DHX36: variants seen among roughly 807,000 people sequenced by gnomAD.
DHX36 encodes DEAH-box helicase 36, also known as ATP-dependent DNA/RNA helicase DHX36.
In DHX36, 50 loss-of-function variants were observed where a neutral mutation model predicts 139.0. That is an observed-to-expected ratio of 0.36 (90% CI 0.29 to 0.46). The LOEUF (loss-of-function observed/expected upper bound fraction) is 0.46. DHX36 is among the 20% of genes least tolerant of loss of function. The probability of loss-of-function intolerance (pLI) is 1.00; values close to 1 mark genes in which losing one functional copy is unlikely to be tolerated. For missense variants in DHX36, 1,024 were observed against 1,211.3 expected, an observed-to-expected ratio of 0.85 and a Z score of 2.29; for synonymous variants, 425 against 401.9, an observed-to-expected ratio of 1.06 and a Z score of -0.69.
chr3:154,276,879 T>C lies in DHX36; in HGVS notation c.2709A>G (p.Thr903=). The change falls in exon 24 of 25, where the codon ACA becomes ACG. Residue 903 remains threonine, a synonymous_variant. Transcript: ENST00000496811. ...ACAAGAGACAGTATGGGGAAACCTC[T>C]GTGCAGTCATACAAGTATATCTGTA... The part of the protein sequence containing the change: ...RTSSIYLYDC[T]EVSPYCLLFF... The C allele has an allele frequency of 1.2e-6, 2 of 1,613,402 alleles. No homozygotes were observed. Among genetic ancestry groups the C allele is most frequent in the Non-Finnish European group, 8.5e-7 (1 of 1,179,760 alleles).
At position 154,311,708 on chromosome 3, in the gene DHX36, A is replaced by G. The variant is rs777022721; in HGVS notation, c.604-34T>C. The G allele has an allele frequency of 1.3e-5, 20 of 1,527,322 alleles. No individual in the cohort carries two copies. The African/African-American group carries it at 2.4e-4, about 18-fold the overall frequency. The allele number at this position is 1,527,322 out of a possible 1,614,324, so 94.6% of individuals were successfully genotyped here. On this transcript the variant is annotated intron_variant, in intron 3 of 24. Coordinates refer to ENST00000496811, the MANE Select transcript of DHX36 (RefSeq NM_020865.3). ...TAAAAAAAGTTTTAAATTTTCACAG[A>G]AGATATGTAATCAAATTATAATCAT...
rs752528965 is a variant in DHX36, at chr3:154,293,810, C to T, written c.1608G>A (p.Val536=). ...SLMPTVNQTQ[V]FKRTPPGVRK... ...GAACACCAGGAGGGGTTCTTTTAAA[C>T]ACCTGTAAAAATAAATACATCAGAA... The change falls in exon 14 of 25, where the codon GTG becomes GTA. Residue 536 remains valine (V), a splice_region_variant and synonymous_variant. Coordinates refer to ENST00000496811, the MANE Select transcript of DHX36 (RefSeq NM_020865.3). The T allele has an allele frequency of 7.9e-5, 128 of 1,610,540 alleles. No homozygotes were observed. Among genetic ancestry groups the T allele is most frequent in the Non-Finnish European group, 1.0e-4 (122 of 1,177,396 alleles).
intron 20 of DHX36, among the ~76,000 whole-genome samples, chr3:154,282,976 G>A (rs1719376638): frequency 6.6e-6 from 1 of 152,128 alleles, no homozygotes; most frequent in Admixed American, 6.5e-5. Context: ...GAACCCTACT[G>A]TGCCTTGCTC....
intron 5 of DHX36, among the ~76,000 whole-genome samples, chr3:154,307,082 GTTTA>G (rs1712533320): frequency 1.3e-5 from 2 of 152,176 alleles, no homozygotes; most frequent in South Asian, 2.1e-4. Flanking sequence ...GACAAAAGTG[GTTTA>G]TTTTTCACCA....
intron 9 of DHX36, among the ~76,000 whole-genome samples, chr3:154,302,601 G>A (rs918700645): frequency 1.3e-5 from 2 of 152,134 alleles, no homozygotes; most frequent in Admixed American, 6.5e-5. Flanking sequence ...ACTACAGTTA[G>A]GGATATAAAC....
Position 154,299,243 on chromosome 3 carries a change from A to C in DHX36, c.1549+595T>G, listed in dbSNP as rs533111630. 1.1e-4 allele frequency among the ~76,000 whole-genome samples: 17 copies of C among 152,356 alleles called. No homozygotes were observed. The South Asian group carries it at 3.5e-3, about 32-fold the overall frequency. On this transcript the variant is annotated intron_variant, in intron 12 of 24. Transcript: ENST00000496811. Reference sequence around the variant, plus strand: ...AGCCGAGATGGCATCACTGCACTCCAACCTGGCAACAGAGCGAGACTCCAT... The same window carrying C: ...AGCCGAGATGGCATCACTGCACTCCCACCTGGCAACAGAGCGAGACTCCAT...
rs760599389 is a variant in DHX36 at position 154,305,154 on chromosome 3, T to C, written c.908A>G (p.Lys303Arg). ...TGTACAGTATAAGATAGAACCCTGTTTCCTTGGCAACCGACTGTGAATGAA... is the reference window on the plus strand; with the variant it reads ...TGTACAGTATAAGATAGAACCCTGTCTCCTTGGCAACCGACTGTGAATGAA... ...QIRLQSRLPRKQGSILYCTTG... is the reference protein window; with the variant it reads ...QIRLQSRLPRRQGSILYCTTG... The change falls in exon 7 of 25, where the codon AAA becomes AGA. Residue 303 changes from lysine (K) to arginine (R), a missense_variant. Transcript: ENST00000496811. The C allele has an allele frequency of 1.4e-5, 22 of 1,612,532 alleles. 1 individual carries two copies. In the South Asian group the frequency reaches 2.2e-4, roughly 16 times the overall value.
intron 12 of DHX36, 37 bp from the exon 13 acceptor site, chr3:154,295,376 G>C: frequency 8.4e-7 from 1 of 1,196,150 alleles, no homozygotes; most frequent in Non-Finnish European, 1.2e-6. Flanking sequence ...AAGATAAAGA[G>C]TTGCAGAAAA....
chr3:154,285,007 G>A lies in DHX36; in HGVS notation c.2032-20C>T, dbSNP rs1195750316. On this transcript the variant is annotated intron_variant, in intron 17 of 24. Transcript: ENST00000496811. Reference sequence around the variant, plus strand: ...AGCGTTCTGTAAAGGAAGAGTGTGTGTTTAAAATAGATCCTGTAAAGCATT... The same window carrying A: ...AGCGTTCTGTAAAGGAAGAGTGTGTATTTAAAATAGATCCTGTAAAGCATT... The A allele has an allele frequency of 6.2e-7, 1 of 1,612,910 alleles. No homozygotes were observed. The highest frequency in any genetic ancestry group is 1.3e-5 in the African/African-American group (1 of 74,972).
At chr3:154,315,954 A>G in intron 2 of DHX36, 85 bp downstream of exon 2, 2 of 1,442,778 alleles carry the variant, frequency 1.4e-6, no homozygotes, top group Non-Finnish European at 1.9e-6. Context: ...GTTAAAATTC[A>G]CTTATCGAAG....
chr3:154,305,044 A>C (rs778592299), intron 7 of DHX36, 50 bp downstream of exon 7: 16 of 1,592,206 alleles, frequency 1.0e-5, no homozygotes, highest in Middle Eastern at 3.4e-4. Context: ...CCAATTTAAT[A>C]ATTACATCTT....
At chr3:154,284,357 T>G (rs745801963) in intron 19 of DHX36, among the ~76,000 whole-genome samples, 16 of 152,054 alleles carry the variant, frequency 1.1e-4, no homozygotes, top group Non-Finnish European at 2.1e-4. Context: ...ATTTTTGTAT[T>G]TGTAGTAGAG....
chr3:154,310,275 C>T lies in DHX36; in HGVS notation c.643-452G>A, dbSNP rs1490836960. On this transcript the variant is annotated intron_variant, in intron 4 of 24. Coordinates refer to ENST00000496811, the MANE Select transcript of DHX36 (RefSeq NM_020865.3). ...GAATATTGTATTTTAAAATTACTTC[C>T]TTTCAAATAATTAAAATAAAGTCAT... Among the ~76,000 whole-genome samples, 3 of 152,152 alleles carry T rather than the reference C, an allele frequency of 2.0e-5. No homozygotes were observed. The East Asian group carries it at 5.8e-4, about 29-fold the overall frequency.
At chr3:154,310,860 C>CAT (rs1451876705) in intron 4 of DHX36, among the ~76,000 whole-genome samples, 36 of 93,194 alleles carry the variant, frequency 3.9e-4, no homozygotes, top group African/African-American at 1.3e-3. Context: ...TATGTATATA[C>CAT]ATATATATAT....
chr3:154,289,911 G>A, intron 15 of DHX36, 85 bp from the exon 16 acceptor site: 1 of 746,518 alleles, frequency 1.3e-6, no homozygotes. Flanking sequence ...ACTAGGCAGG[G>A]AAGTAGCCAA....
At chr3:154,290,383 C>G (rs1711742480) in intron 15 of DHX36, among the ~76,000 whole-genome samples, 1 of 151,930 alleles carries the variant, frequency 6.6e-6, no homozygotes, top group Non-Finnish European at 1.5e-5. Context: ...CACCAGTAAT[C>G]CCAGCACTCT....
In DHX36 at chr3:154,289,825, C is replaced by T. The variant is rs763189600; in HGVS notation, c.1816G>A (p.Val606Ile). 13 of 1,550,292 alleles carry T rather than the reference C, an allele frequency of 8.4e-6. No homozygotes were observed. Among genetic ancestry groups the T allele is most frequent in the African/African-American group, 8.3e-5 (6 of 71,956 alleles). The stretch of plus-strand genomic sequence containing the variant: ...AGATGATAGCAATGACCAGGTTGAA[C>T]TCTTAAAAAAAAAACAAAACAAAAT... ...AKQRKGRAGR[V>I]QPGHCYHLYN... Residue 606 changes from valine (V) to isoleucine (I), a missense_variant and splice_region_variant, in exon 16 of 25, where the codon GTT becomes ATT. Coordinates refer to ENST00000496811, the MANE Select transcript of DHX36 (RefSeq NM_020865.3).
chr3:154,296,632 TAC>T (rs1163098182), intron 12 of DHX36, among the ~76,000 whole-genome samples: 1 of 152,208 alleles, frequency 6.6e-6, no homozygotes, highest in Non-Finnish European at 1.5e-5. Context: ...TCTGGTGTAA[TAC>T]AGTGATGGGT....
intron 17 of DHX36, among the ~76,000 whole-genome samples, chr3:154,286,824 T>A (rs188774019): frequency 1.6e-4 from 24 of 152,156 alleles, no homozygotes; most frequent in Middle Eastern, 3.4e-3. Flanking sequence ...TATTATTATT[T>A]TTTTTTTAAG....
Sources: gnomAD v4.1 joint callset for allele counts (sites outside exome capture counted in the v4.1 genomes callset) on GRCh38, gnomAD v4.1.1 for gene constraint, MANE v1.5 for transcripts, NCBI Gene and HGNC (gene_info 2026-07-23, HGNC 2026-07-21) for gene names.